The following EDA2R variants were observed in gnomAD, a reference collection of about 807,000 sequenced individuals.
EDA2R encodes the protein ectodysplasin A2 receptor, also known as tumor necrosis factor receptor superfamily member 27.
A neutral mutation model predicts 20.1 loss-of-function variants in EDA2R; 26 were observed. The ratio of observed to expected loss-of-function variants is 1.30; its 90% confidence interval spans 0.95 to 1.80. The LOEUF (loss-of-function observed/expected upper bound fraction) is 1.80, where lower values mean the gene tolerates loss of function less well. EDA2R is among the 40% of genes most tolerant of loss of function. The pLI is 0.00. For synonymous variants in EDA2R, 114 were observed against 88.7 expected, an observed-to-expected ratio of 1.29 and a Z score of -1.60; for missense variants, 277 against 228.7, an observed-to-expected ratio of 1.21 and a Z score of -1.36.
chrX:66,613,876 A>T (rs1357566816), intron 2 of EDA2R, among the ~76,000 whole-genome samples: 1 of 111,817 alleles, frequency 8.9e-6, no homozygotes, highest in Non-Finnish European at 1.9e-5. Context: ...AAGTTACTTT[A>T]AAAAAGGCTA....
At chrX:66,627,151 TA>T (rs1933178166) in intron 1 of EDA2R, among the ~76,000 whole-genome samples, 1 of 111,646 alleles carries the variant, frequency 9.0e-6, no homozygotes, top group African/African-American at 3.3e-5. Flanking sequence ...TGGAAACACA[TA>T]AAAATAGAAC....
intron 1 of EDA2R, among the ~76,000 whole-genome samples, chrX:66,632,611 A>G (rs1450768780): frequency 9.1e-6 from 1 of 110,100 alleles, no homozygotes; most frequent in Non-Finnish European, 1.9e-5. Context: ...CAGAGAAGAA[A>G]AAAAAAAAAA....
At position 66,597,921 on chromosome X, in the gene EDA2R, A is replaced by G; in HGVS notation, c.*183T>C. 1 of 600,125 alleles carries G rather than the reference A, an allele frequency of 1.7e-6. No homozygotes were observed. The highest frequency in any genetic ancestry group is 3.8e-5 in the South Asian group (1 of 26,328). The allele number at this position is 600,125 out of a possible 1,213,427, so 49.5% of individuals were successfully genotyped here. A position where few individuals can be genotyped will look rare whatever the true frequency, so the allele number is the denominator to read the frequency against. ...AAAAGGGAAGCAAGAAATGCTCCAGATCAGTCCTTGTGAAATGGAGAATCA... is the reference window on the plus strand; with the variant it reads ...AAAAGGGAAGCAAGAAATGCTCCAGGTCAGTCCTTGTGAAATGGAGAATCA... On this transcript the variant is annotated 3_prime_UTR_variant, in exon 7 of 7. Transcript: ENST00000374719.
intron 1 of EDA2R, among the ~76,000 whole-genome samples, chrX:66,631,340 T>C (rs1275931570): frequency 9.0e-6 from 1 of 111,187 alleles, no homozygotes; most frequent in Non-Finnish European, 1.9e-5. Context: ...ATACCACCTG[T>C]ATCCCAATAA....
chrX:66,611,652 A>G (rs754286967), intron 2 of EDA2R, among the ~76,000 whole-genome samples: 1 of 111,376 alleles, frequency 9.0e-6, no homozygotes, highest in African/African-American at 3.3e-5. Context: ...ACAGGGAGAA[A>G]ATGACAAAAT....
At position 66,599,827 on chromosome X, in the gene EDA2R, G is replaced by T; in HGVS notation, c.551C>A (p.Ala184Glu). 1 of 1,207,578 alleles carries T rather than the reference G, an allele frequency of 8.3e-7. No individual in the cohort carries two copies. The highest frequency in any genetic ancestry group is 1.1e-6 in the Non-Finnish European group (1 of 893,665). Residue 184 changes from alanine to glutamate, a missense_variant, in exon 6 of 7, where the codon GCA becomes GAA. Coordinates refer to ENST00000374719, the MANE Select transcript of EDA2R (RefSeq NM_021783.5). ...CACGGGGAAGAGAGATTCCTCCTTT[G>T]CTGTTTTATCAGCCTCAAACTGCAG... ...GLLQFEADKT[A>E]KEESLFPVPP...
rs1393955573 is a variant in EDA2R, at chrX:66,617,841, CCCTT to C, written c.-10-1815_-10-1812del. ...TCCCCTCTTTTTTCCCTCCCTCCCT[CCCTT>C]CCTTCCTTCCTTCTTTCCTTCCTTC... On this transcript the variant is annotated intron_variant, in intron 1 of 6. Coordinates refer to ENST00000374719, the MANE Select transcript of EDA2R (RefSeq NM_021783.5). 1.1e-4 allele frequency among the ~76,000 whole-genome samples: 11 copies of C among 100,874 alleles called. No individual in the cohort carries two copies. In the South Asian group the frequency reaches 2.1e-3, roughly 19 times the overall value. The allele number at this position is 100,874 out of a possible 115,157, so 87.6% of individuals were successfully genotyped here.
At chrX:66,608,802 T>G (rs768629758) in intron 2 of EDA2R, among the ~76,000 whole-genome samples, 8 of 111,220 alleles carry the variant, frequency 7.2e-5, no homozygotes, top group Admixed American at 1.9e-4. Flanking sequence ...ATATCTAGAA[T>G]AGCAAAATTT....
In EDA2R at chrX:66,606,071, G is replaced by T. The variant is rs940353552; in HGVS notation, c.88-845C>A. On this transcript the variant is annotated intron_variant, in intron 2 of 6. Coordinates refer to ENST00000374719, the MANE Select transcript of EDA2R (RefSeq NM_021783.5). ...GGGCATCAGAAGTCCCAACACTGAGGAAATTGAAATAAATGCTCTCTAGAG... is the reference window on the plus strand; with the variant it reads ...GGGCATCAGAAGTCCCAACACTGAGTAAATTGAAATAAATGCTCTCTAGAG... Among the ~76,000 whole-genome samples the T allele has an allele frequency of 2.7e-5, 3 of 111,493 alleles. No individual in the cohort carries two copies. In the East Asian group the frequency reaches 8.5e-4, roughly 32 times the overall value.
chrX:66,628,003 G>A (rs1442876372), intron 1 of EDA2R, among the ~76,000 whole-genome samples: 1 of 111,316 alleles, frequency 9.0e-6, no homozygotes, highest in Non-Finnish European at 1.9e-5. Context: ...GACCAAAATG[G>A]AATAAAACTG....
At chrX:66,623,349 G>A (rs182545712) in intron 1 of EDA2R, among the ~76,000 whole-genome samples, 1 of 111,778 alleles carries the variant, frequency 8.9e-6, no homozygotes, top group African/African-American at 3.2e-5. Context: ...AGGGAGAATA[G>A]AAAATAAAGA....
At chrX:66,606,932 T>G (rs955616744) in intron 2 of EDA2R, among the ~76,000 whole-genome samples, 1 of 112,652 alleles carries the variant, frequency 8.9e-6, no homozygotes, top group Non-Finnish European at 1.9e-5. Context: ...TGATGGGCAC[T>G]GTTTCAAAAT....
chrX:66,598,066 G>A lies in EDA2R; in HGVS notation c.*38C>T. 1.0e-6 allele frequency: 1 copy of A among 965,448 alleles called. No homozygotes were observed. Among genetic ancestry groups the A allele is most frequent in the South Asian group, 2.0e-5 (1 of 48,889 alleles). The allele number at this position is 965,448 out of a possible 1,213,427, so 79.6% of individuals were successfully genotyped here. ...GGAACAGAGTCCAGAGAGAACAACT[G>A]GGCAAGGCTGCCAGGGGCCCAAGAG... is the stretch of plus-strand genomic sequence containing the variant. On this transcript the variant is annotated 3_prime_UTR_variant, in exon 7 of 7. Transcript: ENST00000374719.
Position 66,604,406 on chromosome X carries a change from G to T in EDA2R, c.352+15C>A, listed in dbSNP as rs964640639. The T allele has an allele frequency of 1.7e-6, 2 of 1,198,412 alleles. No homozygotes were observed. Among genetic ancestry groups the T allele is most frequent in the Non-Finnish European group, 2.3e-6 (2 of 887,157 alleles). On this transcript the variant is annotated intron_variant, in intron 4 of 6. Transcript: ENST00000374719. ...TGGGATGAGGAGAAAGGGAAGAAGA[G>T]AACTGGGTACACACATTGAACCTCA...
At chrX:66,624,097 T>TCTACA (rs753798279) in intron 1 of EDA2R, among the ~76,000 whole-genome samples, 1 of 112,272 alleles carries the variant, frequency 8.9e-6, no homozygotes, top group Non-Finnish European at 1.9e-5. Flanking sequence ...ATGGTGAAAA[T>TCTACA]CTACAGAATA....
intron 6 of EDA2R, among the ~76,000 whole-genome samples, chrX:66,599,067 T>C (rs374491708): frequency 9.8e-5 from 11 of 112,234 alleles, no homozygotes; most frequent in East Asian, 8.4e-4. Flanking sequence ...AAGGTTTGTA[T>C]AGTTATTAGG....
chrX:66,605,177 G>A lies in EDA2R; in HGVS notation c.137C>T (p.Pro46Leu). Residue 46 changes from proline to leucine, a missense_variant, in exon 3 of 7, where the codon CCT (proline) becomes CTT (leucine). Transcript: ENST00000374719. The stretch of plus-strand genomic sequence containing the variant: ...GCCCCAGCTGCTTTTGTACCTGCGA[G>A]GAGGGCAGGCTGTGCAGTAGGCATC... ...GGDAYCTACP[P>L]RRYKSSWGHH... 1 of 1,209,981 alleles carries A rather than the reference G, an allele frequency of 8.3e-7. No homozygotes were observed. Among genetic ancestry groups the A allele is most frequent in the Non-Finnish European group, 1.1e-6 (1 of 894,657 alleles).
intron 1 of EDA2R, among the ~76,000 whole-genome samples, chrX:66,621,517 T>C (rs1932616995): frequency 8.9e-6 from 1 of 112,561 alleles, no homozygotes; most frequent in Non-Finnish European, 1.9e-5. Context: ...CATCAACTGA[T>C]AAATGGTAAA....
chrX:66,630,441 A>G (rs1415930047), intron 1 of EDA2R, among the ~76,000 whole-genome samples: 4 of 111,643 alleles, frequency 3.6e-5, no homozygotes, highest in Non-Finnish European at 7.5e-5. Flanking sequence ...CAATATATAC[A>G]TCTGACAAAG....
Sources: allele counts gnomAD v4.1 joint callset (sites outside exome capture counted in the v4.1 genomes callset), GRCh38; gene constraint gnomAD v4.1.1; transcripts MANE v1.5; gene names NCBI Gene and HGNC (gene_info 2026-07-23, HGNC 2026-07-21).